Variants in MAP2K5 observed in about 807,000 individuals in gnomAD.
MAP2K5 encodes dual specificity mitogen-activated protein kinase kinase 5.
Under a neutral mutation model 83.1 loss-of-function variants are expected in MAP2K5, and 49 were observed. The ratio of observed to expected loss-of-function variants is 0.59; its 90% CI spans 0.47 to 0.75. The LOEUF is 0.75. Ranked by LOEUF, MAP2K5 falls within the 30% of genes least tolerant of loss-of-function variation. The probability of loss-of-function intolerance (pLI) is 0.00; values close to 1 mark genes in which losing one functional copy is unlikely to be tolerated. For missense variants in MAP2K5, 457 were observed against 557.5 expected (o/e 0.82, Z 1.82); for synonymous variants, 202 against 191.8 (o/e 1.05, Z -0.44).
At chr15:67,745,055 A>G (rs2089573817) in intron 17 of MAP2K5, among the ~76,000 whole-genome samples, 1 of 152,198 alleles carries the variant, frequency 6.6e-6, no homozygotes, top group African/African-American at 2.4e-5. Flanking sequence ...ATGCCCAGAA[A>G]AGGGAAGAGG....
rs571843744 is a variant in MAP2K5 at position 67,660,281 on chromosome 15, A to AG, written c.798+1668dup. On this transcript the variant is annotated intron_variant, in intron 12 of 21. Transcript: ENST00000178640. Reference sequence around the variant, plus strand: ...GGTTTGTATAATGCCTCCAAAATGTAGTGTTTTTTTTGTATGTTTCCTGAG... The same window carrying AG: ...GGTTTGTATAATGCCTCCAAAATGTAGGTGTTTTTTTTGTATGTTTCCTGAG... Among the ~76,000 whole-genome samples, 6 of 143,798 alleles carry AG rather than the reference A, an allele frequency of 4.2e-5. No individual in the cohort carries two copies. The South Asian group carries it at 6.7e-4, about 16-fold the overall frequency. 94.3% of individuals were successfully genotyped at this position (143,798 alleles called of 152,430 possible).
In MAP2K5 at chr15:67,778,978, G is replaced by A. The variant is rs1020196315; in HGVS notation, c.1242+6226G>A. ...GTATTGCCTGTGTCATATAAAGTGT[G>A]TTTTAAAATGAACCTTTAGGGCCAG... On this transcript the variant is annotated intron_variant, in intron 21 of 21. Transcript: ENST00000178640. The surrounding 1 kb of genome is among the most constrained non-coding windows in gnomAD (Gnocchi z 5.0). Among the ~76,000 whole-genome samples, 3 of 152,202 alleles carry A rather than the reference G, an allele frequency of 2.0e-5. No individual in the cohort carries two copies. The East Asian group carries it at 5.8e-4, about 29-fold the overall frequency.
chr15:67,737,618 TG>T (rs1293697626), intron 17 of MAP2K5, among the ~76,000 whole-genome samples: 1 of 152,056 alleles, frequency 6.6e-6, no homozygotes, highest in Non-Finnish European at 1.5e-5. Flanking sequence ...GGCTGGAGAT[TG>T]CCAGGACACA....
Position 67,565,765 on chromosome 15 carries a change from G to A in MAP2K5, c.252+2415G>A, listed in dbSNP as rs138026712. ...CTGAATAGAAGTCATCTATCTCATT[G>A]ATGAGATAATTTAAAAAAATTTTTT... On this transcript the variant is annotated intron_variant, in intron 3 of 21. Coordinates refer to ENST00000178640, the MANE Select transcript of MAP2K5 (RefSeq NM_145160.3). The surrounding 1 kb of genome is among the most constrained non-coding windows in gnomAD (Gnocchi z 4.1). 2.1e-3 allele frequency among the ~76,000 whole-genome samples: 327 copies of A among 152,154 alleles called. 2 individuals carry two copies. The highest frequency in any genetic ancestry group is 7.3e-3 in the African/African-American group (304 of 41,514).
chr15:67,667,344 T>C (rs944754550), intron 13 of MAP2K5, among the ~76,000 whole-genome samples: 1 of 152,346 alleles, frequency 6.6e-6, no homozygotes, highest in South Asian at 2.1e-4. Context: ...TATACTTGTT[T>C]ATGCACTTTT....
At chr15:67,707,971 CT>C (rs958194599) in intron 16 of MAP2K5, among the ~76,000 whole-genome samples, 1 of 151,910 alleles carries the variant, frequency 6.6e-6, no homozygotes, top group African/African-American at 2.4e-5. Flanking sequence ...GAAAAAAAAA[CT>C]GATAAAAATG....
At chr15:67,586,035 G>T (rs1033427882) in intron 5 of MAP2K5, 105 bp downstream of exon 5, 6 of 1,029,808 alleles carry the variant, frequency 5.8e-6, no homozygotes, top group African/African-American at 1.6e-5. Flanking sequence ...GCTCTGACAA[G>T]CGATCCTTTT....
At chr15:67,766,508 T>G (rs889257398) in intron 19 of MAP2K5, among the ~76,000 whole-genome samples, 1 of 152,226 alleles carries the variant, frequency 6.6e-6, no homozygotes, top group African/African-American at 2.4e-5. Flanking sequence ...AGGGCATTTT[T>G]GGGAAGTAGC....
rs1294506023 is a variant in MAP2K5, at chr15:67,774,935, G to A, written c.1242+2183G>A. Among the ~76,000 whole-genome samples, 1 of 152,220 alleles carries A rather than the reference G, an allele frequency of 6.6e-6. No individual in the cohort carries two copies. The highest frequency in any genetic ancestry group is 2.4e-5 in the African/African-American group (1 of 41,456). On this transcript the variant is annotated intron_variant, in intron 21 of 21. Coordinates refer to ENST00000178640, the MANE Select transcript of MAP2K5 (RefSeq NM_145160.3). The surrounding 1 kb of genome is among the most constrained non-coding windows in gnomAD (Gnocchi z 4.9). The stretch of plus-strand genomic sequence containing the variant: ...AAAGAAAGAAAATTAGAGATGGGCA[G>A]CTGGAAATACTGGAAGTTATAGATT...
chr15:67,788,142 G>A (rs1322967828), intron 21 of MAP2K5, among the ~76,000 whole-genome samples: 1 of 152,196 alleles, frequency 6.6e-6, no homozygotes, highest in African/African-American at 2.4e-5. Flanking sequence ...CTTTGATGTT[G>A]ATTTATATGT....
intron 4 of MAP2K5, among the ~76,000 whole-genome samples, chr15:67,583,309 G>A (rs1254476677): frequency 1.3e-5 from 2 of 152,148 alleles, no homozygotes; most frequent in African/African-American, 2.4e-5. Context: ...GTGGAGAGGA[G>A]TATGTTATGG....
intron 19 of MAP2K5, among the ~76,000 whole-genome samples, chr15:67,754,681 T>C (rs533543236): frequency 5.3e-5 from 8 of 152,286 alleles, no homozygotes; most frequent in African/African-American, 1.9e-4. Flanking sequence ...TACCTTGATA[T>C]TCACAAAATG....
chr15:67,543,374 G>C lies in MAP2K5; in HGVS notation c.39G>C (p.Glu13Asp), dbSNP rs993139444. Residue 13 changes from glutamate to aspartate, a missense_variant, in exon 1 of 22, where the codon GAG becomes GAC. Physicochemically the swap from Glu to Asp is conservative, Grantham distance 45 (BLOSUM62 2). This residue lies in a region of MAP2K5 where 234 missense variants were observed against 243.6 expected (regional missense o/e 0.96). Transcript: ENST00000178640. This position sits in a 1 kb window ranked among gnomAD's most constrained non-coding sequence, Gnocchi z 4.3. ...WLALGPFPAM[E>D]NQVLVIRIKI... The stretch of plus-strand genomic sequence containing the variant: ...CCCTTGGCCCCTTTCCTGCCATGGA[G>C]AACCAGGTGCTGGTAATTCGCATCA... 2.8e-5 allele frequency: 45 copies of C among 1,614,214 alleles called. No homozygotes were observed. Among genetic ancestry groups the C allele is most frequent in the Non-Finnish European group, 3.7e-5 (44 of 1,180,036 alleles).
intron 13 of MAP2K5, among the ~76,000 whole-genome samples, chr15:67,666,628 G>A (rs915420875): frequency 4.6e-5 from 7 of 152,128 alleles, no homozygotes; most frequent in Admixed American, 3.9e-4. Flanking sequence ...CGTTAGTGAC[G>A]GACAAGGGCT....
At chr15:67,737,616 A>G (rs1329795292) in intron 17 of MAP2K5, among the ~76,000 whole-genome samples, 1 of 152,060 alleles carries the variant, frequency 6.6e-6, no homozygotes, top group Admixed American at 6.6e-5. Context: ...AGGGCTGGAG[A>G]TTGCCAGGAC....
intron 21 of MAP2K5, among the ~76,000 whole-genome samples, chr15:67,800,894 C>T (rs924643759): frequency 2.0e-5 from 3 of 152,164 alleles, no homozygotes; most frequent in Admixed American, 1.3e-4. Flanking sequence ...ATCTAATAAG[C>T]GGACTCTAAA....
intron 11 of MAP2K5, among the ~76,000 whole-genome samples, chr15:67,651,739 TTCTTTA>T (rs1430767118): frequency 1.2e-4 from 18 of 152,354 alleles, no homozygotes; most frequent in African/African-American, 2.6e-4. Context: ...GTACCACATT[TTCTTTA>T]TCTTTATTTT....
chr15:67,691,421 T>A (rs929049810), intron 13 of MAP2K5, among the ~76,000 whole-genome samples: 5 of 152,246 alleles, frequency 3.3e-5, no homozygotes, highest in Non-Finnish European at 7.3e-5. Context: ...GAATTAAGTA[T>A]CTACTCTTGG....
At chr15:67,759,649 CAT>C (rs1475179465) in intron 19 of MAP2K5, among the ~76,000 whole-genome samples, 1 of 152,044 alleles carries the variant, frequency 6.6e-6, no homozygotes, top group Non-Finnish European at 1.5e-5. Flanking sequence ...GAGACTTTAC[CAT>C]GACTCTGGCT....
Sources: gnomAD v4.1 joint callset for allele counts (sites outside exome capture counted in the v4.1 genomes callset) on GRCh38, gnomAD v4.1.1 for gene constraint, gnomAD v4.1.1 regional missense constraint, Gnocchi (gnomAD v3.1) non-coding constraint, MANE v1.5 for transcripts, NCBI Gene and HGNC (gene_info 2026-07-23, HGNC 2026-07-21) for gene names.